The following GUCY2C variants were observed in gnomAD, a reference collection of about 807,000 sequenced individuals.
GUCY2C encodes the protein guanylate cyclase 2C, also known as guanylyl cyclase C.
Under a neutral mutation model 131.1 loss-of-function variants are expected in GUCY2C, and 118 were observed. The ratio of observed to expected loss-of-function variants is 0.90; its 90% CI spans 0.78 to 1.05. The LOEUF (loss-of-function observed/expected upper bound fraction) is 1.05, where lower values mean the gene tolerates loss of function less well. GUCY2C is among the 50% of genes least tolerant of loss of function. The pLI is 0.00. For synonymous variants in GUCY2C, 452 were observed against 457.8 expected, an observed-to-expected ratio of 0.99 and a Z score of 0.16; for missense variants, 1,161 against 1,304.4, an observed-to-expected ratio of 0.89 and a Z score of 1.69.
chr12:14,674,029 A>C (rs1948172111), intron 8 of GUCY2C, among the ~76,000 whole-genome samples: 1 of 152,222 alleles, frequency 6.6e-6, no homozygotes, highest in Non-Finnish European at 1.5e-5. Flanking sequence ...AAGTTAGAAA[A>C]GGCCACTGTC....
At chr12:14,650,282 T>C (rs1041269791) in intron 15 of GUCY2C, among the ~76,000 whole-genome samples, 2 of 152,236 alleles carry the variant, frequency 1.3e-5, no homozygotes, top group African/African-American at 4.8e-5. Context: ...GGAGTCTCGC[T>C]CTGTTGCCAG....
chr12:14,661,225 C>T (rs1186824128), intron 10 of GUCY2C, among the ~76,000 whole-genome samples, 163 bp from the exon 11 acceptor site: 1 of 152,134 alleles, frequency 6.6e-6, no homozygotes, highest in East Asian at 1.9e-4. Flanking sequence ...TGTCCCTACT[C>T]TCTGACAGCC....
chr12:14,640,255 G>C (rs1008363388), intron 18 of GUCY2C, among the ~76,000 whole-genome samples: 3 of 152,018 alleles, frequency 2.0e-5, no homozygotes, highest in Non-Finnish European at 4.4e-5. Flanking sequence ...TCGAGCTCAG[G>C]AGCTCAGTCT....
At chr12:14,663,619 TAGGTGCCCCGAAAATG>T (rs1947913275) in intron 10 of GUCY2C, among the ~76,000 whole-genome samples, 1 of 152,190 alleles carries the variant, frequency 6.6e-6, no homozygotes, top group Admixed American at 6.5e-5. Context: ...ATAATTGATG[TAGGTGCCCCGAAAATG>T]AGGTTTTAGG....
chr12:14,628,946 A>G (rs1947083473), intron 19 of GUCY2C, among the ~76,000 whole-genome samples: 1 of 152,184 alleles, frequency 6.6e-6, no homozygotes, highest in Non-Finnish European at 1.5e-5. Context: ...CTTGGGTGAA[A>G]TTAATGAAAT....
intron 10 of GUCY2C, among the ~76,000 whole-genome samples, chr12:14,668,712 A>G (rs758428883): frequency 6.6e-6 from 1 of 150,764 alleles, no homozygotes; most frequent in Non-Finnish European, 1.5e-5. Context: ...TCCTAGTCAC[A>G]TGGAATTACC....
chr12:14,628,086 C>T (rs1382868159), intron 20 of GUCY2C, among the ~76,000 whole-genome samples: 1 of 152,180 alleles, frequency 6.6e-6, no homozygotes, highest in South Asian at 2.1e-4. Context: ...AATTGGATTT[C>T]CTAACTCTTA....
rs1947856475 is a variant in GUCY2C, at chr12:14,661,015, C to T, written c.1330G>A (p.Val444Met). The T allele has an allele frequency of 2.5e-6, 4 of 1,613,058 alleles. No individual in the cohort carries two copies. The highest frequency in any genetic ancestry group is 3.3e-4 in the Middle Eastern group (2 of 6,060). Residue 444 changes from valine (V) to methionine (M), a missense_variant, in exon 11 of 27, where the codon GTG becomes ATG. Transcript: ENST00000261170. ...IAVFTLTGAV[V>M]LLLLVALLML... Reference sequence around the variant, plus strand: ...AGGAGAGCGACGAGCAGGAGCAGCACCACAGCTCCAGTGAGGGTGAAGACT... The same window carrying T: ...AGGAGAGCGACGAGCAGGAGCAGCATCACAGCTCCAGTGAGGGTGAAGACT...
intron 1 of GUCY2C, among the ~76,000 whole-genome samples, chr12:14,695,600 C>CAAA (rs557450619): frequency 1.0e-3 from 60 of 58,504 alleles, no homozygotes; most frequent in African/African-American, 2.9e-3. Flanking sequence ...GACTCCATCT[C>CAAA]AAAAAAAAAA....
In GUCY2C at chr12:14,656,609, C is replaced by T. The variant is rs2137046875; in HGVS notation, c.1373G>A (p.Arg458Lys). 1 of 1,516,538 alleles carries T rather than the reference C, an allele frequency of 6.6e-7. No individual in the cohort carries two copies. The highest frequency in any genetic ancestry group is 9.2e-7 in the Non-Finnish European group (1 of 1,091,526). The allele number at this position is 1,516,538 out of a possible 1,614,324, so 93.9% of individuals were successfully genotyped here. The change falls in exon 12 of 27, where the codon AGA becomes AAA. Residue 458 changes from arginine (R) to lysine (K), a missense_variant. Physicochemically the swap from Arg to Lys is conservative, Grantham distance 26. Coordinates refer to ENST00000261170, the MANE Select transcript of GUCY2C (RefSeq NM_004963.4). Reference sequence around the variant, plus strand: ...TTTCTGACGAAGTTCATAATCTTTTCTATATTTTCTGTGAAAGGAATAAAA... The same window carrying T: ...TTTCTGACGAAGTTCATAATCTTTTTTATATTTTCTGTGAAAGGAATAAAA... ...LVALLMLRKY[R>K]KDYELRQKKW... is the part of the protein sequence containing the mutation.
chr12:14,653,068 C>T (rs1215760481), intron 12 of GUCY2C, 54 bp from the exon 13 acceptor site: 23 of 1,299,380 alleles, frequency 1.8e-5, no homozygotes, highest in Admixed American at 8.4e-5. Context: ...ATCCTACTCA[C>T]TGCCTGTCAA....
At chr12:14,673,489 G>A (rs1048545120) in intron 8 of GUCY2C, among the ~76,000 whole-genome samples, 5 of 151,998 alleles carry the variant, frequency 3.3e-5, no homozygotes, top group East Asian at 1.9e-4. Context: ...CACATGTTTC[G>A]ACATAACAAT....
At chr12:14,614,558 G>GA (rs977779349) in intron 26 of GUCY2C, 4,438 of 221,780 alleles carry the variant, frequency 0.02, no homozygotes, top group Middle Eastern at 0.039. Flanking sequence ...ATCCACAGTG[G>GA]AAAAAAAAAA....
At chr12:14,638,750 T>A (rs1156909775) in intron 19 of GUCY2C, among the ~76,000 whole-genome samples, 1 of 152,146 alleles carries the variant, frequency 6.6e-6, no homozygotes, top group Non-Finnish European at 1.5e-5. Context: ...GGTTAATGGG[T>A]ACAAACATAC....
intron 10 of GUCY2C, among the ~76,000 whole-genome samples, chr12:14,668,334 C>T: frequency 6.6e-6 from 1 of 152,138 alleles, no homozygotes. Context: ...TCATGCCCAG[C>T]TAATTTTTGT....
intron 25 of GUCY2C, 69 bp from the exon 26 acceptor site, chr12:14,615,012 A>G (rs1008306124): frequency 1.8e-5 from 13 of 731,538 alleles, no homozygotes; most frequent in Non-Finnish European, 2.9e-5. Flanking sequence ...CACTGTTTCC[A>G]TAATGATCTG....
At chr12:14,655,709 G>A (rs1947750430) in intron 12 of GUCY2C, among the ~76,000 whole-genome samples, 1 of 152,108 alleles carries the variant, frequency 6.6e-6, no homozygotes, top group Admixed American at 6.6e-5. Flanking sequence ...ATAAAAACTA[G>A]GATAATTATA....
At chr12:14,664,293 G>A (rs1455240060) in intron 10 of GUCY2C, among the ~76,000 whole-genome samples, 1 of 151,882 alleles carries the variant, frequency 6.6e-6, no homozygotes, top group African/African-American at 2.4e-5. Context: ...CCATTCTCAC[G>A]CCCTAAACCC....
intron 15 of GUCY2C, among the ~76,000 whole-genome samples, chr12:14,647,991 C>T (rs931238961): frequency 2.0e-5 from 3 of 151,082 alleles, no homozygotes; most frequent in East Asian, 1.9e-4. Context: ...GATGAAGACT[C>T]GCATTGTTGC....
Sources: allele counts gnomAD v4.1 joint callset (sites outside exome capture counted in the v4.1 genomes callset), GRCh38; gene constraint gnomAD v4.1.1; transcripts MANE v1.5; gene names NCBI Gene and HGNC (gene_info 2026-07-23, HGNC 2026-07-21).